The following PLD1 variants were observed in gnomAD, a reference collection of about 807,000 sequenced individuals.
PLD1 encodes the protein choline phosphatase 1.
In PLD1, 112 loss-of-function variants were observed where a neutral mutation model predicts 137.1. That is an observed-to-expected ratio of 0.82 (90% CI 0.70 to 0.96). The LOEUF is 0.96. Among genes scored for constraint, PLD1 ranks in the 40% least tolerant of loss-of-function variants. The pLI, the probability that PLD1 is intolerant of heterozygous loss-of-function variation, is 0.00. For missense variants in PLD1, 1,321 were observed against 1,342.0 expected, an observed-to-expected ratio of 0.98 and a Z score of 0.24; for synonymous variants, 431 against 454.7, an observed-to-expected ratio of 0.95 and a Z score of 0.66.
chr3:171,662,745 T>A (rs763058912), intron 19 of PLD1, among the ~76,000 whole-genome samples: 2 of 152,268 alleles, frequency 1.3e-5, no homozygotes, highest in Admixed American at 6.5e-5. Context: ...TCATTTGGCA[T>A]GTGATCTTCA....
intron 7 of PLD1, 74 bp downstream of exon 7, chr3:171,725,944 T>C: frequency 1.0e-6 from 1 of 986,930 alleles, no homozygotes; most frequent in South Asian, 1.3e-5. Flanking sequence ...TCCATCACCA[T>C]GGCATGCTGC....
At chr3:171,686,123 CAA>C (rs370165481) in intron 16 of PLD1, among the ~76,000 whole-genome samples, 48 of 74,332 alleles carry the variant, frequency 6.5e-4, no homozygotes, top group Admixed American at 6.3e-4. Context: ...GACTCTATCT[CAA>C]AAAAAAAAAA....
At chr3:171,646,923 T>C (rs888271716) in intron 21 of PLD1, among the ~76,000 whole-genome samples, 1 of 152,310 alleles carries the variant, frequency 6.6e-6, no homozygotes, top group East Asian at 1.9e-4. Context: ...TCATCAGCCT[T>C]CTGGGCCTCC....
At chr3:171,643,791 C>T (rs1735973662) in intron 22 of PLD1, among the ~76,000 whole-genome samples, 2 of 152,044 alleles carry the variant, frequency 1.3e-5, no homozygotes, top group South Asian at 2.1e-4. Context: ...TGCAAATCTT[C>T]AGTCCAAGTA....
At chr3:171,669,114 G>C (rs550571074) in intron 19 of PLD1, among the ~76,000 whole-genome samples, 2 of 152,130 alleles carry the variant, frequency 1.3e-5, no homozygotes, top group African/African-American at 2.4e-5. Context: ...AGCAATTCGT[G>C]CTGGTGGGCA....
chr3:171,740,878 C>T (rs1206939641), intron 1 of PLD1, among the ~76,000 whole-genome samples: 1 of 152,202 alleles, frequency 6.6e-6, no homozygotes, highest in Non-Finnish European at 1.5e-5. Context: ...GTTAAACAAT[C>T]GTCCAAGGTC....
rs1267470202 is a variant in PLD1 at position 171,602,356 on chromosome 3, T to C, written c.*722A>G. 6.6e-6 allele frequency: 1 copy of C among 152,350 alleles called. No individual in the cohort carries two copies. The highest frequency in any genetic ancestry group is 1.5e-5 in the Non-Finnish European group (1 of 68,148). The allele number at this position is 152,350 out of a possible 1,614,324, so 9.4% of individuals were successfully genotyped here. On this transcript the variant is annotated 3_prime_UTR_variant, in exon 27 of 27. Transcript: ENST00000351298. Reference sequence around the variant, plus strand: ...TAATCACAAGGACTCATGTTGTCAGTGCCTTTGGGAGCAAAATGAAATAAA... The same window carrying C: ...TAATCACAAGGACTCATGTTGTCAGCGCCTTTGGGAGCAAAATGAAATAAA...
intron 12 of PLD1, among the ~76,000 whole-genome samples, chr3:171,695,352 G>A (rs1192242072): frequency 6.6e-6 from 1 of 152,214 alleles, no homozygotes; most frequent in Non-Finnish European, 1.5e-5. Context: ...GAAAGGGACG[G>A]AAATTATTAA....
chr3:171,694,365 A>G (rs1004477352), intron 12 of PLD1, among the ~76,000 whole-genome samples: 9 of 152,198 alleles, frequency 5.9e-5, no homozygotes, highest in African/African-American at 2.2e-4. Flanking sequence ...TACATATTTC[A>G]GTAAAGAAGT....
At chr3:171,617,506 C>G (rs1474963604) in intron 24 of PLD1, among the ~76,000 whole-genome samples, 1 of 150,790 alleles carries the variant, frequency 6.6e-6, no homozygotes, top group Non-Finnish European at 1.5e-5. Context: ...TCGCATCTCT[C>G]TATTGTGCTT....
intron 19 of PLD1, among the ~76,000 whole-genome samples, chr3:171,672,497 T>A (rs897634308): frequency 1.1e-4 from 6 of 54,048 alleles, no homozygotes; most frequent in Non-Finnish European, 1.9e-4. Context: ...TTATTTTTAT[T>A]TTTTTTTTTT....
At position 171,603,024 on chromosome 3, in the gene PLD1, T is replaced by C. The variant is rs749534805; in HGVS notation, c.*54A>G. On this transcript the variant is annotated 3_prime_UTR_variant, in exon 27 of 27. Transcript: ENST00000351298. ...GGCTATGACATCCCCAGGAAGTCACTGTGTGCAGTGTGGTCTCCAGGGTGG... is the reference window on the plus strand; with the variant it reads ...GGCTATGACATCCCCAGGAAGTCACCGTGTGCAGTGTGGTCTCCAGGGTGG... 1.6e-6 allele frequency: 2 copies of C among 1,286,816 alleles called. No individual in the cohort carries two copies. The highest frequency in any genetic ancestry group is 2.2e-6 in the Non-Finnish European group (2 of 890,276). 79.7% of individuals were successfully genotyped at this position (1,286,816 alleles called of 1,614,324 possible). A position where few individuals can be genotyped will look rare whatever the true frequency, so the allele number is the denominator to read the frequency against.
intron 2 of PLD1, 110 bp downstream of exon 2, chr3:171,737,782 G>T (rs947616458): frequency 4.4e-6 from 6 of 1,349,724 alleles, no homozygotes; most frequent in East Asian, 2.3e-5. Flanking sequence ...TCTGAGCCCG[G>T]TGTTACATCT....
chr3:171,701,094 G>T (rs193091047), intron 11 of PLD1, among the ~76,000 whole-genome samples: 22 of 152,224 alleles, frequency 1.4e-4, no homozygotes, highest in African/African-American at 4.8e-4. Context: ...GAGATTAAAA[G>T]AAATCAATTT....
Position 171,746,085 on chromosome 3 carries a change from G to A in PLD1, c.-31-8003C>T, listed in dbSNP as rs529636356. 2.9e-4 allele frequency among the ~76,000 whole-genome samples: 44 copies of A among 152,322 alleles called. 1 individual carries two copies. In the South Asian group the frequency reaches 7.0e-3, roughly 24 times the overall value. ...CAGCACTGCCGGCCCGCCCCACTGC[G>A]CTTGAATTCTCACTGGGCCTCAGCC... is the stretch of plus-strand genomic sequence containing the variant. On this transcript the variant is annotated intron_variant, in intron 1 of 26. Transcript: ENST00000351298.
chr3:171,773,431 G>A (rs553729631), intron 1 of PLD1, among the ~76,000 whole-genome samples: 1 of 151,828 alleles, frequency 6.6e-6, no homozygotes, highest in Non-Finnish European at 1.5e-5. Context: ...TCTAAACCCC[G>A]TCTCTACTAA....
chr3:171,719,729 C>T (rs935538847), intron 8 of PLD1, among the ~76,000 whole-genome samples: 2 of 152,172 alleles, frequency 1.3e-5, no homozygotes, highest in East Asian at 1.9e-4. Flanking sequence ...ACTTAACTTA[C>T]GACCAGGTGC....
rs774704143 is a variant in PLD1 at position 171,710,872 on chromosome 3, C to CTTTTTTTTTTTTTTTTTTTTTTTTTTTT, written c.912-1164_912-1163insAAAAAAAAAAAAAAAAAAAAAAAAAAAA. 8.2e-4 allele frequency among the ~76,000 whole-genome samples: 81 copies of CTTTTTTTTTTTTTTTTTTTTTTTTTTTT among 98,548 alleles called. 9 individuals are homozygous for CTTTTTTTTTTTTTTTTTTTTTTTTTTTT. Among genetic ancestry groups the CTTTTTTTTTTTTTTTTTTTTTTTTTTTT allele is most frequent in the South Asian group, 1.3e-3 (4 of 3,106 alleles). The allele number at this position is 98,548 out of a possible 152,430, so 64.7% of individuals were successfully genotyped here. A position where few individuals can be genotyped will look rare whatever the true frequency, so the allele number is the denominator to read the frequency against. On this transcript the variant is annotated intron_variant, in intron 9 of 26. Transcript: ENST00000351298. ...TTTCACTAATCATAGGAAAACTGTTCTTTTTTTTTTTTTTTTTTTGAGACG... is the reference window on the plus strand; with the variant it reads ...TTTCACTAATCATAGGAAAACTGTTCTTTTTTTTTTTTTTTTTTTTTTTTTTTTTTTTTTTTTTTTTTTTTTTGAGACG...
chr3:171,746,149 C>T (rs547818289), intron 1 of PLD1, among the ~76,000 whole-genome samples: 1 of 152,344 alleles, frequency 6.6e-6, no homozygotes, highest in African/African-American at 2.4e-5. Flanking sequence ...TGCAGCCTGC[C>T]ATGCCCGAGC....
Sources: allele counts gnomAD v4.1 joint callset (sites outside exome capture counted in the v4.1 genomes callset), GRCh38; gene constraint gnomAD v4.1.1; transcripts MANE v1.5; gene names NCBI Gene and HGNC (gene_info 2026-07-23, HGNC 2026-07-21).